The following MAPK10 variants were observed in gnomAD, a reference collection of about 807,000 sequenced individuals.
MAPK10 encodes JNK3 alpha protein kinase.
Under a neutral mutation model 59.3 loss-of-function variants are expected in MAPK10, and 25 were observed. The observed-to-expected ratio is 0.42, with a 90% CI of 0.31 to 0.59. The LOEUF is 0.59. Ranked by LOEUF, MAPK10 falls within the 20% of genes least tolerant of loss-of-function variation. MAPK10 has a pLI of 0.15. For synonymous variants in MAPK10, 190 were observed against 200.5 expected, an observed-to-expected ratio of 0.95 and a Z score of 0.44; for missense variants, 351 against 568.9, an observed-to-expected ratio of 0.62 and a Z score of 3.90.
chr4:86,312,959 T>C (rs888344087), intron 2 of MAPK10, among the ~76,000 whole-genome samples: 3 of 152,152 alleles, frequency 2.0e-5, no homozygotes, highest in Admixed American at 6.6e-5. Flanking sequence ...AATTCTTTAT[T>C]GTTTTTCGCA....
chr4:86,220,130 G>T (rs143624370), intron 2 of MAPK10, among the ~76,000 whole-genome samples: 1 of 151,940 alleles, frequency 6.6e-6, no homozygotes, highest in African/African-American at 2.4e-5. Flanking sequence ...ATAAACAAAG[G>T]CATCTTAATA....
intron 13 of MAPK10, chr4:86,020,804 CGTG>C (rs1485583080): frequency 6.5e-6 from 1 of 154,332 alleles, no homozygotes. Context: ...TGCAGACCTT[CGTG>C]GTGAGTGTTA....
At chr4:86,225,317 C>A (rs899653014) in intron 2 of MAPK10, among the ~76,000 whole-genome samples, 1 of 152,092 alleles carries the variant, frequency 6.6e-6, no homozygotes, top group Non-Finnish European at 1.5e-5. Context: ...TTGTACATCC[C>A]AGACACAGGG....
chr4:86,374,483 T>C (rs981996463), intron 1 of MAPK10, among the ~76,000 whole-genome samples: 4 of 152,222 alleles, frequency 2.6e-5, no homozygotes, highest in Non-Finnish European at 4.4e-5. Flanking sequence ...ACTAAATCAC[T>C]GTCCAATCAT....
At chr4:86,272,872 C>G (rs1215215737) in intron 2 of MAPK10, among the ~76,000 whole-genome samples, 1 of 152,036 alleles carries the variant, frequency 6.6e-6, no homozygotes, top group Admixed American at 6.6e-5. Context: ...TCATCTGCTG[C>G]TCTTATAAAA....
chr4:86,500,162 G>C (rs1755201130), intron 1 of MAPK10, among the ~76,000 whole-genome samples: 1 of 152,110 alleles, frequency 6.6e-6, no homozygotes, highest in Admixed American at 6.6e-5. Context: ...CTTCATTTTA[G>C]GATATAGAAA....
chr4:86,477,082 T>C (rs1248876942), intron 1 of MAPK10, among the ~76,000 whole-genome samples: 1 of 152,126 alleles, frequency 6.6e-6, no homozygotes, highest in Non-Finnish European at 1.5e-5. Flanking sequence ...CCCGATTGCC[T>C]CAGAAGCCTA....
chr4:86,565,484 A>G (rs1048635302), intron 1 of MAPK10, among the ~76,000 whole-genome samples: 6 of 152,244 alleles, frequency 3.9e-5, no homozygotes, highest in African/African-American at 1.4e-4. Flanking sequence ...CCAAAATATA[A>G]TAATTGATCC....
intron 2 of MAPK10, among the ~76,000 whole-genome samples, chr4:86,198,845 C>T (rs1279146670): frequency 6.6e-6 from 1 of 151,464 alleles, no homozygotes; most frequent in African/African-American, 2.4e-5. Context: ...TATTGAGAAT[C>T]TATAAAAAGC....
chr4:86,235,476 T>A (rs2092123210), intron 2 of MAPK10, among the ~76,000 whole-genome samples: 1 of 152,202 alleles, frequency 6.6e-6, no homozygotes, highest in Non-Finnish European at 1.5e-5. Context: ...GGCTGCAAGC[T>A]TATGCTTTGT....
At chr4:86,113,714 A>G (rs573052590) in intron 4 of MAPK10, among the ~76,000 whole-genome samples, 7 of 152,228 alleles carry the variant, frequency 4.6e-5, no homozygotes, top group Admixed American at 1.3e-4. Flanking sequence ...CTCATAGAGT[A>G]TCTCACCGGG....
At chr4:86,025,700 A>G (rs1464772174) in intron 13 of MAPK10, 6 of 386,652 alleles carry the variant, frequency 1.6e-5, no homozygotes, top group Non-Finnish European at 2.3e-5. Context: ...TAGGGTTGCA[A>G]ATGAGGAATA....
chr4:86,413,579 C>T (rs10031237), intron 1 of MAPK10, among the ~76,000 whole-genome samples: 4,787 of 152,272 alleles, frequency 0.031, 111 homozygotes, highest in Non-Finnish European at 0.048. Flanking sequence ...TCAAGCTTCC[C>T]GGCTGCTTTG....
intron 2 of MAPK10, among the ~76,000 whole-genome samples, chr4:86,285,047 C>T (rs1000682899): frequency 6.6e-6 from 1 of 152,134 alleles, no homozygotes; most frequent in Non-Finnish European, 1.5e-5. Flanking sequence ...AGTAAATAAG[C>T]AATCCTCATT....
At chr4:86,137,121 A>T (rs1307939969) in intron 4 of MAPK10, among the ~76,000 whole-genome samples, 5 of 150,844 alleles carry the variant, frequency 3.3e-5, no homozygotes, top group African/African-American at 1.2e-4. Flanking sequence ...CATTAGACAG[A>T]TCAACGAGAC....
At chr4:86,573,848 TA>T (rs1761654612) in intron 1 of MAPK10, among the ~76,000 whole-genome samples, 1 of 152,248 alleles carries the variant, frequency 6.6e-6, no homozygotes, top group African/African-American at 2.4e-5. Flanking sequence ...GCTATTGTTA[TA>T]TTTTTTAAAT....
chr4:86,589,177 G>C (rs534597171), intron 1 of MAPK10, among the ~76,000 whole-genome samples: 24 of 152,284 alleles, frequency 1.6e-4, no homozygotes, highest in African/African-American at 5.3e-4. Flanking sequence ...CTTTTAAGCA[G>C]AGAAAAATAT....
chr4:86,550,247 T>C (rs1487327677), intron 1 of MAPK10, among the ~76,000 whole-genome samples: 1 of 151,944 alleles, frequency 6.6e-6, no homozygotes, highest in African/African-American at 2.4e-5. Context: ...GCCCTTAAAG[T>C]ATGACAATGA....
At chr4:86,134,539 G>A (rs925278928) in intron 4 of MAPK10, among the ~76,000 whole-genome samples, 2 of 152,126 alleles carry the variant, frequency 1.3e-5, no homozygotes, top group Non-Finnish European at 2.9e-5. Flanking sequence ...ACTTGTATTT[G>A]ATGTGTAAGC....
Sources: allele counts gnomAD v4.1 joint callset (sites outside exome capture counted in the v4.1 genomes callset), GRCh38; gene constraint gnomAD v4.1.1; transcripts MANE v1.5; gene names NCBI Gene and HGNC (gene_info 2026-07-23, HGNC 2026-07-21).